Variants in MROH2A observed in about 807,000 individuals in gnomAD.
MROH2A encodes maestro heat-like repeat-containing protein family member 2A.
In MROH2A, 174 loss-of-function variants were observed where a neutral mutation model predicts 200.4. The ratio of observed to expected loss-of-function variants is 0.87; its 90% CI spans 0.77 to 0.98. MROH2A has a LOEUF of 0.98. MROH2A is among the 50% of genes least tolerant of loss of function. The pLI is 0.00. For synonymous variants in MROH2A, 829 were observed against 840.4 expected, an observed-to-expected ratio of 0.99 and a Z score of 0.23; for missense variants, 2,045 against 2,139.6, an observed-to-expected ratio of 0.96 and a Z score of 0.87.
chr2:233,805,078 G>T lies in MROH2A; in HGVS notation c.2019G>T (p.Gln673His). 6.5e-7 allele frequency: 1 copy of T among 1,550,110 alleles called. No individual in the cohort carries two copies. Reference sequence around the variant, plus strand: ...GCTTGAGTAAAGAGCTGAACAACCAGATTGCGAGCTTTGACAGCCCCTCTC... The same window carrying T: ...GCTTGAGTAAAGAGCTGAACAACCATATTGCGAGCTTTGACAGCCCCTCTC... ...SLRLSKELNNQIASFDSPSLE... is the reference protein window; with the variant it reads ...SLRLSKELNNHIASFDSPSLE... The change falls in exon 19 of 42, where the codon CAG becomes CAT. Residue 673 changes from glutamine to histidine, a missense_variant. By Grantham distance (24) the Gln-to-His change is conservative. Coordinates refer to ENST00000389758, the MANE Select transcript of MROH2A (RefSeq NM_001394639.1).
intron 25 of MROH2A, among the ~76,000 whole-genome samples, chr2:233,814,159 A>G (rs897992531): frequency 6.6e-6 from 1 of 152,208 alleles, no homozygotes. Context: ...AGAAAGAGAA[A>G]GTCTAGGGAA....
chr2:233,832,568 T>C lies in MROH2A; in HGVS notation c.4838-11T>C. On this transcript the variant is annotated splice_polypyrimidine_tract_variant and intron_variant, in intron 40 of 41. Coordinates refer to ENST00000389758, the MANE Select transcript of MROH2A (RefSeq NM_001394639.1). ...CTCGCGTGATGAGCATTTCTTTGGC[T>C]ATTGTTTTAGGAATTATTATGAAGC... The C allele has an allele frequency of 6.5e-7, 1 of 1,540,822 alleles. No individual in the cohort carries two copies. Among genetic ancestry groups the C allele is most frequent in the Non-Finnish European group, 8.8e-7 (1 of 1,138,100 alleles).
Position 233,822,253 on chromosome 2 carries a change from C to A in MROH2A, c.3642C>A (p.Ile1214=). The A allele has an allele frequency of 6.5e-7, 1 of 1,547,744 alleles. No homozygotes were observed. The highest frequency in any genetic ancestry group is 8.7e-7 in the Non-Finnish European group (1 of 1,146,984). The change falls in exon 32 of 42, where the codon ATC becomes ATA. Residue 1214 remains isoleucine, a synonymous_variant. Coordinates refer to ENST00000389758, the MANE Select transcript of MROH2A (RefSeq NM_001394639.1). ...TCAGTGCCACCTCCAAGGCTGACAT[C>A]TGGCGCCTGGCTGCGGTGGACCCCC... is the stretch of plus-strand genomic sequence containing the variant. ...PRISATSKAD[I]WRLAAVDPLM...
At position 233,787,072 on chromosome 2, in the gene MROH2A, G is replaced by A. The variant is rs568546355; in HGVS notation, c.277-2425G>A. ...CTCTACAGAATCCAGTAATTCCACA[G>A]CATCTGCCAGACAGAACCAAGCTCT... is the stretch of plus-strand genomic sequence containing the variant. On this transcript the variant is annotated intron_variant, in intron 3 of 41. Coordinates refer to ENST00000389758, the MANE Select transcript of MROH2A (RefSeq NM_001394639.1). 9.2e-5 allele frequency among the ~76,000 whole-genome samples: 14 copies of A among 152,264 alleles called. No individual in the cohort carries two copies. In the South Asian group the frequency reaches 2.9e-3, roughly 32 times the overall value.
Position 233,822,153 on chromosome 2 carries a change from C to A in MROH2A, c.3542C>A (p.Ser1181Ter). 6.5e-7 allele frequency: 1 copy of A among 1,550,040 alleles called. No individual in the cohort carries two copies. The highest frequency in any genetic ancestry group is 8.7e-7 in the Non-Finnish European group (1 of 1,146,896). ...CTGGCAGAGGTGTGGCTGGCAGTGT[C>A]GGAGAACGTGCCCTTCGCCCGGACC... ...SHLAEVWLAV[S>*]ENVPFARTML... The change falls in exon 32 of 42, where the codon TCG becomes TAG. Residue 1181 changes from serine to a stop codon, truncating the protein, a stop_gained. Transcript: ENST00000389758. LOFTEE classifies it high-confidence loss of function.
chr2:233,802,481 C>T (rs1259970096), intron 15 of MROH2A, 166 bp downstream of exon 15: 3 of 743,984 alleles, frequency 4.0e-6, no homozygotes, highest in Non-Finnish European at 6.4e-6. Flanking sequence ...TTAATGCCTA[C>T]CTGATCATAT....
At chr2:233,814,726 A>G in intron 26 of MROH2A, 49 bp downstream of exon 26, 62 of 1,338,140 alleles carry the variant, frequency 4.6e-5, no homozygotes, top group Non-Finnish European at 6.5e-5. Context: ...ACTCCTCCCC[A>G]GAAGCTGGAC....
At chr2:233,795,779 T>C (rs1702064215) in intron 9 of MROH2A, 34 bp downstream of exon 9, 2 of 1,550,648 alleles carry the variant, frequency 1.3e-6, no homozygotes, top group African/African-American at 2.7e-5. Flanking sequence ...ACAAGGGCAT[T>C]CTCTGGGTGG....
chr2:233,818,908 C>T (rs1392283493), intron 29 of MROH2A, 138 bp downstream of exon 29: 2 of 622,088 alleles, frequency 3.2e-6, no homozygotes, highest in Admixed American at 2.9e-5. Flanking sequence ...TTTGGCCCAA[C>T]TGCTGCCCTC....
chr2:233,813,102 G>A (rs1393449847), intron 24 of MROH2A, among the ~76,000 whole-genome samples: 5 of 152,228 alleles, frequency 3.3e-5, no homozygotes, highest in African/African-American at 1.2e-4. Context: ...CTTGAGAATT[G>A]TTGATGAAGG....
Position 233,799,762 on chromosome 2 carries a change from A to C in MROH2A, c.1330-18A>C. ...GCCCACCCCAACCCCCAGCATGTCC[A>C]CGGTCCTGTCCCCTCAGGTGAGGAT... On this transcript the variant is annotated intron_variant, in intron 12 of 41. Coordinates refer to ENST00000389758, the MANE Select transcript of MROH2A (RefSeq NM_001394639.1). 7 of 1,550,164 alleles carry C rather than the reference A, an allele frequency of 4.5e-6. No homozygotes were observed. Among genetic ancestry groups the C allele is most frequent in the Non-Finnish European group, 6.1e-6 (7 of 1,146,882 alleles).
chr2:233,818,488 C>T (rs542788573), intron 28 of MROH2A, among the ~76,000 whole-genome samples, 164 bp from the exon 29 acceptor site: 10 of 152,150 alleles, frequency 6.6e-5, no homozygotes, highest in South Asian at 4.2e-4. Flanking sequence ...GGGCAGAGGC[C>T]GCCACAGGGA....
In MROH2A at chr2:233,789,625, A is replaced by G. The variant is rs1466172466; in HGVS notation, c.405A>G (p.Pro135=). 6.8e-7 allele frequency: 1 copy of G among 1,460,848 alleles called. No individual in the cohort carries two copies. The highest frequency in any genetic ancestry group is 1.5e-5 in the South Asian group (1 of 68,032). 90.5% of individuals were successfully genotyped at this position (1,460,848 alleles called of 1,614,324 possible). The change falls in exon 4 of 42, where the codon CCA becomes CCG. Residue 135 remains proline (P), a synonymous_variant. Coordinates refer to ENST00000389758, the MANE Select transcript of MROH2A (RefSeq NM_001394639.1). ...CCTCCAAGGAGATGAGGGAGATCCC[A>G]GAGGTAGGACCCCAAGCTCCATCGG... ...AIASKEMREI[P]EMEGYMKAEV... is the part of the protein sequence containing the mutation.
chr2:233,793,579 A>G (rs1045383473), intron 6 of MROH2A, 94 bp from the exon 7 acceptor site: 21 of 1,224,484 alleles, frequency 1.7e-5, no homozygotes, highest in Non-Finnish European at 2.1e-5. Context: ...ACGGCAAGGC[A>G]TGAGCACTTC....
intron 37 of MROH2A, among the ~76,000 whole-genome samples, 152 bp from the exon 38 acceptor site, chr2:233,829,468 C>T (rs1453506632): frequency 6.6e-6 from 1 of 152,044 alleles, no homozygotes; most frequent in Non-Finnish European, 1.5e-5. Context: ...TTGAGGGCTA[C>T]GTGATCCCTG....
At chr2:233,776,354 CTTTTT>C (rs10568441), upstream of MROH2A, among the ~76,000 whole-genome samples, 3 of 111,334 alleles carry the variant, frequency 2.7e-5, no homozygotes, top group Admixed American at 9.4e-5. Context: ...AATGTATTTA[CTTTTT>C]TTTTTTTTTT....
intron 15 of MROH2A, among the ~76,000 whole-genome samples, chr2:233,802,708 G>T (rs970945524): frequency 6.6e-6 from 1 of 152,084 alleles, no homozygotes; most frequent in Non-Finnish European, 1.5e-5. Context: ...CCTCACTGTG[G>T]TCCACTCAGA....
chr2:233,828,963 CT>C lies in MROH2A; in HGVS notation c.4338del (p.Ala1447ProfsTer7), dbSNP rs1269184900. The C allele has an allele frequency of 1.3e-6, 2 of 1,550,438 alleles. No homozygotes were observed. Among genetic ancestry groups the C allele is most frequent in the African/African-American group, 1.4e-5 (1 of 73,068 alleles). On this transcript the variant is annotated frameshift_variant, in exon 37 of 42. Coordinates refer to ENST00000389758, the MANE Select transcript of MROH2A (RefSeq NM_001394639.1). LOFTEE classifies it high-confidence loss of function. This position sits in a 1 kb window ranked among gnomAD's most constrained non-coding sequence, Gnocchi z 4.6. ...PLREPVSNSV[T>X]AEGMEALTKI... is the part of the protein sequence containing the mutation. ...AGGGAGCCCGTGAGCAACAGCGTGA[CT>C]GCCGAGGGCATGGAGGCCCTGACCA...
intron 26 of MROH2A, among the ~76,000 whole-genome samples, chr2:233,816,240 TTCTG>T (rs1245092574): frequency 6.6e-6 from 1 of 152,228 alleles, no homozygotes; most frequent in Non-Finnish European, 1.5e-5. Context: ...CTTTTTGATG[TTCTG>T]TCTTTTTGTT....
Sources: allele counts gnomAD v4.1 joint callset (sites outside exome capture counted in the v4.1 genomes callset), GRCh38; gene constraint gnomAD v4.1.1; non-coding constraint Gnocchi (gnomAD v3.1); transcripts MANE v1.5; gene names NCBI Gene and HGNC (gene_info 2026-07-23, HGNC 2026-07-21).